Variants in ABCA12 observed in about 807,000 individuals in gnomAD.
ABCA12 encodes the protein ATP binding cassette subfamily A member 12.
A neutral mutation model predicts 293.5 loss-of-function variants in ABCA12; 156 were observed. That is an observed-to-expected ratio of 0.53 (90% CI 0.47 to 0.61). The LOEUF (loss-of-function observed/expected upper bound fraction) is 0.61, where lower values mean the gene tolerates loss of function less well. Ranked by LOEUF, ABCA12 falls within the 20% of genes least tolerant of loss-of-function variation. The probability of loss-of-function intolerance (pLI) is 0.00; values close to 1 mark genes in which losing one functional copy is unlikely to be tolerated. For synonymous variants in ABCA12, 1,063 were observed against 1,108.0 expected (o/e 0.96, Z 0.81); for missense variants, 2,797 against 3,090.2 (o/e 0.91, Z 2.25).
chr2:215,088,264 C>A lies in ABCA12; in HGVS notation c.163+23333G>T, dbSNP rs564821310. Reference sequence around the variant, plus strand: ...GGAGATGGGATAATATAATGAAGATCTGAACTAAGACAATTGTAGCAGAAA... The same window carrying A: ...GGAGATGGGATAATATAATGAAGATATGAACTAAGACAATTGTAGCAGAAA... On this transcript the variant is annotated intron_variant, in intron 2 of 52. Coordinates refer to ENST00000272895, the MANE Select transcript of ABCA12 (RefSeq NM_173076.3). Among the ~76,000 whole-genome samples the A allele has an allele frequency of 2.4e-4, 37 of 152,246 alleles. 1 individual carries two copies. In the South Asian group the frequency reaches 6.8e-3, roughly 28 times the overall value.
intron 39 of ABCA12, among the ~76,000 whole-genome samples, chr2:214,966,167 T>C (rs1449024083): frequency 1.3e-5 from 2 of 152,262 alleles, no homozygotes; most frequent in Non-Finnish European, 2.9e-5. Flanking sequence ...TTCTCACTTA[T>C]AAGTGGGAGC....
At chr2:215,103,267 C>CTTTTTT (rs72000528) in intron 2 of ABCA12, among the ~76,000 whole-genome samples, 88 of 122,308 alleles carry the variant, frequency 7.2e-4, no homozygotes, top group Non-Finnish European at 9.1e-4. Context: ...AAATTTCTTT[C>CTTTTTT]TTTTTTTTTT....
chr2:215,066,931 A>G (rs1470211246), intron 2 of ABCA12, among the ~76,000 whole-genome samples: 1 of 152,144 alleles, frequency 6.6e-6, no homozygotes, highest in Non-Finnish European at 1.5e-5. Flanking sequence ...CTAGGCATGT[A>G]ACATTTACTT....
intron 22 of ABCA12, 109 bp from the exon 23 acceptor site, chr2:214,997,918 G>A (rs1194556267): frequency 1.7e-5 from 12 of 721,556 alleles, no homozygotes; most frequent in Middle Eastern, 2.4e-4. Context: ...ACTTATGATC[G>A]TGTTTTGAAA....
chr2:215,071,026 C>G (rs1259435093), intron 2 of ABCA12, among the ~76,000 whole-genome samples: 1 of 151,442 alleles, frequency 6.6e-6, no homozygotes, highest in African/African-American at 2.4e-5. Flanking sequence ...ACAAAAAATA[C>G]ACACTCAAGA....
intron 50 of ABCA12, among the ~76,000 whole-genome samples, chr2:214,939,930 C>A (rs1012307112): frequency 6.6e-6 from 1 of 152,210 alleles, no homozygotes; most frequent in African/African-American, 2.4e-5. Flanking sequence ...TTGACTTCCT[C>A]TCTTCCTATT....
chr2:214,958,884 T>C, intron 40 of ABCA12, 140 bp downstream of exon 40: 1 of 968,608 alleles, frequency 1.0e-6, no homozygotes, highest in Admixed American at 1.8e-5. Flanking sequence ...AAACTTCCTT[T>C]GATCCCAGTC....
Position 215,025,504 on chromosome 2 carries a change from CAT to C in ABCA12, c.1287+167_1287+168del, listed in dbSNP as rs1320197132. 8.2e-5 allele frequency: 48 copies of C among 585,556 alleles called. 1 individual carries two copies. In the Middle Eastern group the frequency reaches 2.4e-3, roughly 29 times the overall value. 36.3% of individuals were successfully genotyped at this position (585,556 alleles called of 1,614,324 possible). ...ATTTTTCTAGAGTCGTAAGTAGGGC[CAT>C]TATAAATCTAGAGTTAAAATAGCAT... On this transcript the variant is annotated intron_variant, in intron 11 of 52. Transcript: ENST00000272895.
chr2:215,017,651 T>TG (rs1461180723), intron 14 of ABCA12: 6 of 171,962 alleles, frequency 3.5e-5, no homozygotes, highest in Middle Eastern at 2.8e-3. Context: ...TTTTTTTTTT[T>TG]TTTTTTTGAG....
intron 42 of ABCA12, among the ~76,000 whole-genome samples, chr2:214,956,445 A>G (rs1266302480): frequency 6.6e-6 from 1 of 151,932 alleles, no homozygotes; most frequent in Non-Finnish European, 1.5e-5. Context: ...ATAAATGCTT[A>G]TTAATTTTAG....
At chr2:215,130,790 AGT>A (rs1237699727) in intron 1 of ABCA12, among the ~76,000 whole-genome samples, 1 of 152,100 alleles carries the variant, frequency 6.6e-6, no homozygotes, top group Non-Finnish European at 1.5e-5. Context: ...CAATAGGAGT[AGT>A]GAGACTGAAC....
intron 22 of ABCA12, among the ~76,000 whole-genome samples, chr2:214,998,641 A>G (rs573010531): frequency 6.6e-6 from 1 of 152,320 alleles, no homozygotes; most frequent in African/African-American, 2.4e-5. Flanking sequence ...CTGAAAGTTA[A>G]ATTGGAGTGG....
At chr2:215,134,738 C>G (rs899595706) in intron 1 of ABCA12, among the ~76,000 whole-genome samples, 1 of 150,312 alleles carries the variant, frequency 6.7e-6, no homozygotes, top group African/African-American at 2.4e-5. Context: ...GCCTTGACCT[C>G]CCAGGTTCAG....
intron 7 of ABCA12, 73 bp from the exon 8 acceptor site, chr2:215,037,138 G>C (rs908942248): frequency 6.4e-5 from 73 of 1,139,268 alleles, no homozygotes; most frequent in Non-Finnish European, 9.3e-5. Context: ...ATTATTCAAG[G>C]AGAAAATGGC....
chr2:214,968,624 G>T (rs1389905659), intron 38 of ABCA12, 96 bp downstream of exon 38: 3 of 1,180,904 alleles, frequency 2.5e-6, no homozygotes, highest in African/African-American at 3.0e-5. Flanking sequence ...CAAATCGATT[G>T]TACCCATATT....
intron 39 of ABCA12, chr2:214,962,944 T>TA (rs1699153395): frequency 6.6e-6 from 1 of 152,110 alleles, no homozygotes; most frequent in African/African-American, 2.4e-5. Context: ...TTTATAGCAC[T>TA]AAATGCCCAC....
At chr2:214,949,249 G>A (rs1483482174) in intron 45 of ABCA12, 100 bp from the exon 46 acceptor site, 17 of 872,968 alleles carry the variant, frequency 1.9e-5, no homozygotes, top group African/African-American at 3.4e-5. Context: ...ATAAATTACC[G>A]AGAAAAATAA....
At chr2:215,023,173 G>C (rs1700667488) in intron 11 of ABCA12, 1 of 152,206 alleles carries the variant, frequency 6.6e-6, no homozygotes, top group Admixed American at 6.5e-5. Flanking sequence ...AGGGGAGTAA[G>C]AGCATCAGTA....
chr2:215,003,638 C>T (rs528001918), intron 20 of ABCA12, among the ~76,000 whole-genome samples: 1 of 150,660 alleles, frequency 6.6e-6, no homozygotes, highest in South Asian at 2.1e-4. Context: ...AAGAAAAAAA[C>T]TGCATTTATA....
Sources: gnomAD v4.1 joint callset for allele counts (sites outside exome capture counted in the v4.1 genomes callset) on GRCh38, gnomAD v4.1.1 for gene constraint, MANE v1.5 for transcripts, NCBI Gene and HGNC (gene_info 2026-07-23, HGNC 2026-07-21) for gene names.